EPS8L3: variants seen among roughly 807,000 people sequenced by gnomAD.
EPS8L3 encodes the protein EPS8 signaling adaptor L3.
EPS8L3 carries 80 observed loss-of-function variants against 88.5 expected under a neutral mutation model. The observed-to-expected ratio is 0.90, with a 90% CI of 0.75 to 1.09. The LOEUF (loss-of-function observed/expected upper bound fraction) is 1.09. EPS8L3 is among the 50% of genes least tolerant of loss of function. The probability of loss-of-function intolerance (pLI) is 0.00; values close to 1 mark genes in which losing one functional copy is unlikely to be tolerated. For missense variants in EPS8L3, 721 were observed against 735.2 expected (o/e 0.98, Z 0.22); for synonymous variants, 286 against 291.0 (o/e 0.98, Z 0.18).
rs1398411240 is a variant in EPS8L3 at position 109,759,827 on chromosome 1, T to C, written c.106A>G (p.Thr36Ala). The C allele has an allele frequency of 6.2e-7, 1 of 1,613,842 alleles. No individual in the cohort carries two copies. The highest frequency in any genetic ancestry group is 8.5e-7 in the Non-Finnish European group (1 of 1,179,912). Reference protein sequence around the residue: ...LLQHRVEHLMTCKQGSQRVQG... With the variant: ...LLQHRVEHLMACKQGSQRVQG... ...ACTCTCTGACTCCCCTGCTTGCATG[T>C]CATCAAGTGCTGCAGGGAGAGGGGG... The change falls in exon 4 of 19, where the codon ACA becomes GCA. Residue 36 changes from threonine to alanine, a missense_variant. Transcript: ENST00000361965. The surrounding 1 kb of genome is among the most constrained non-coding windows in gnomAD (Gnocchi z 4.2).
intron 6 of EPS8L3, 86 bp from the exon 7 acceptor site, chr1:109,758,749 GCAC>G: frequency 6.8e-7 from 1 of 1,476,696 alleles, no homozygotes; most frequent in Non-Finnish European, 9.0e-7. Flanking sequence ...GGACCCAGGG[GCAC>G]CACCACCTCT....
intron 1 of EPS8L3, among the ~76,000 whole-genome samples, chr1:109,762,861 C>T (rs957666956): frequency 3.3e-5 from 5 of 152,210 alleles, no homozygotes; most frequent in South Asian, 2.1e-4. Context: ...ATGCCTCTGC[C>T]GCTGGGCTGT....
chr1:109,751,626 G>A (rs1649799003), intron 16 of EPS8L3, 28 bp downstream of exon 16: 1 of 1,613,880 alleles, frequency 6.2e-7, no homozygotes. Flanking sequence ...AAGACTTAGG[G>A]CTCTGGATAG....
intron 11 of EPS8L3, 99 bp downstream of exon 11, chr1:109,757,382 C>T: frequency 1.6e-6 from 2 of 1,267,192 alleles, no homozygotes; most frequent in African/African-American, 1.5e-5. Context: ...CCACCCTGGC[C>T]CCTGCTCCCC....
At position 109,753,804 on chromosome 1, in the gene EPS8L3, GA is replaced by G. The variant is rs796417569; in HGVS notation, c.1119-607del. On this transcript the variant is annotated intron_variant, in intron 12 of 18. Transcript: ENST00000361965. Reference sequence around the variant, plus strand: ...AATATTTTCCACTTGTCTGCCCAGGGAATGCCCATTCATTTCCTTGAAGACG... The same window carrying G: ...AATATTTTCCACTTGTCTGCCCAGGGATGCCCATTCATTTCCTTGAAGACG... 6.6e-5 allele frequency among the ~76,000 whole-genome samples: 10 copies of G among 152,304 alleles called. 1 individual carries two copies. Among genetic ancestry groups the G allele is most frequent in the African/African-American group, 2.2e-4 (9 of 41,568 alleles).
intron 17 of EPS8L3, 90 bp downstream of exon 17, chr1:109,751,188 G>A (rs1649755943): frequency 8.7e-7 from 1 of 1,148,434 alleles, no homozygotes; most frequent in Non-Finnish European, 1.3e-6. Context: ...GTACAATGTA[G>A]GCCAGGTTGT....
chr1:109,763,056 T>C (rs1385948313), intron 1 of EPS8L3, among the ~76,000 whole-genome samples: 1 of 152,202 alleles, frequency 6.6e-6, no homozygotes, highest in African/African-American at 2.4e-5. Flanking sequence ...AATACTGGAC[T>C]ACCCCGGGTA....
chr1:109,757,659 A>G (rs1570692662), intron 10 of EPS8L3, 104 bp from the exon 11 acceptor site: 1 of 1,413,688 alleles, frequency 7.1e-7, no homozygotes, highest in East Asian at 2.4e-5. Context: ...GCACTTCCCA[A>G]AAGTCCCAAG....
chr1:109,757,271 G>T, intron 11 of EPS8L3, 106 bp from the exon 12 acceptor site: 2 of 1,352,104 alleles, frequency 1.5e-6, no homozygotes, highest in Non-Finnish European at 2.0e-6. Flanking sequence ...ATGGTAGGAT[G>T]TTACCTCCTG....
At chr1:109,751,829 C>G (rs764977221) in intron 15 of EPS8L3, 47 bp from the exon 16 acceptor site, 7 of 1,608,042 alleles carry the variant, frequency 4.4e-6, no homozygotes, top group African/African-American at 2.7e-5. Flanking sequence ...TTCCAGCCAG[C>G]CTTCCCTCCC....
At chr1:109,753,273 A>T (rs759721833) in intron 12 of EPS8L3, 75 bp from the exon 13 acceptor site, 67 of 1,163,804 alleles carry the variant, frequency 5.8e-5, no homozygotes, top group Non-Finnish European at 8.0e-5. Flanking sequence ...GCGGACAGGG[A>T]GGGGACGACA....
At chr1:109,757,884 G>T (rs201349591) in intron 9 of EPS8L3, 21 bp from the exon 10 acceptor site, 1 of 1,613,744 alleles carries the variant, frequency 6.2e-7, no homozygotes, top group Non-Finnish European at 8.5e-7. Flanking sequence ...GGGCCAAGAC[G>T]GTGGGCCAGA....
chr1:109,757,793 G>A lies in EPS8L3; in HGVS notation c.894+9C>T. The A allele has an allele frequency of 1.2e-6, 2 of 1,613,476 alleles. No individual in the cohort carries two copies. Among genetic ancestry groups the A allele is most frequent in the Non-Finnish European group, 1.7e-6 (2 of 1,179,422 alleles). On this transcript the variant is annotated intron_variant, in intron 10 of 18. Transcript: ENST00000361965. The stretch of plus-strand genomic sequence containing the variant: ...GAGAGGCCTGGTGAACTTGTGGGGA[G>A]CCACCTACCAGGAGGTTGAAGCTGT...
Position 109,758,052 on chromosome 1 carries a change from G to C in EPS8L3, c.724C>G (p.Leu242Val). 2 of 1,613,722 alleles carry C rather than the reference G, an allele frequency of 1.2e-6. No individual in the cohort carries two copies. The highest frequency in any genetic ancestry group is 1.1e-5 in the South Asian group (1 of 91,078). ...PEDPERDEEV[L>V]NHVLRDIELF... ...TCAATGTCCCTTAGGACATGGTTCA[G>C]CACTTCCTGGGCCCCAAACAACCCA... Residue 242 changes from leucine to valine, a missense_variant, in exon 9 of 19, where the codon CTG becomes GTG. Coordinates refer to ENST00000361965, the MANE Select transcript of EPS8L3 (RefSeq NM_133181.4).
rs1329548523 is a variant in EPS8L3 at position 109,752,680 on chromosome 1, G to A, written c.1235+6C>T. 2.6e-6 allele frequency: 4 copies of A among 1,551,376 alleles called. No individual in the cohort carries two copies. Among genetic ancestry groups the A allele is most frequent in the East Asian group, 2.4e-5 (1 of 40,942 alleles). ...CCACGCAGTCCCTATTAAGCTCAGA[G>A]CATACCGAAGGGAAACAGGGTCCTG... On this transcript the variant is annotated splice_donor_region_variant and intron_variant, in intron 14 of 18. Transcript: ENST00000361965.
intron 17 of EPS8L3, 132 bp from the exon 18 acceptor site, chr1:109,750,924 G>C: frequency 9.5e-7 from 1 of 1,049,552 alleles, no homozygotes; most frequent in Non-Finnish European, 1.4e-6. Context: ...GGCTATCTGA[G>C]ATTGAAGGAG....
chr1:109,750,400 T>A lies in EPS8L3; in HGVS notation c.1773A>T (p.Ile591=). ...RLEAVRRMLG[I]SP is the part of the protein sequence containing the mutation. ...GTGTCTAAGCTGGTGCCTAAGGGCT[T>A]ATCTGAGGAAAGACAAAGATTCAGA... The change falls in exon 19 of 19, where the codon ATA becomes ATT. Residue 591 remains isoleucine (I), a splice_region_variant and synonymous_variant. Coordinates refer to ENST00000361965, the MANE Select transcript of EPS8L3 (RefSeq NM_133181.4). 1 of 1,613,856 alleles carries A rather than the reference T, an allele frequency of 6.2e-7. No individual in the cohort carries two copies. Among genetic ancestry groups the A allele is most frequent in the East Asian group, 2.2e-5 (1 of 44,882 alleles).
intron 15 of EPS8L3, 27 bp downstream of exon 15, chr1:109,751,967 CT>C: frequency 1.3e-6 from 2 of 1,574,908 alleles, no homozygotes; most frequent in Non-Finnish European, 1.7e-6. Flanking sequence ...CCACCACCTC[CT>C]TTTCTAGCCT....
At chr1:109,752,967 A>C in intron 13 of EPS8L3, 150 bp downstream of exon 13, 3 of 721,050 alleles carry the variant, frequency 4.2e-6, no homozygotes, top group Non-Finnish European at 7.1e-6. Context: ...TCCTGTTTGC[A>C]GTCTGGTGGT....
Sources: allele counts gnomAD v4.1 joint callset (sites outside exome capture counted in the v4.1 genomes callset), GRCh38; gene constraint gnomAD v4.1.1; non-coding constraint Gnocchi (gnomAD v3.1); transcripts MANE v1.5; gene names NCBI Gene and HGNC (gene_info 2026-07-23, HGNC 2026-07-21).